STXBP4: variants seen among roughly 807,000 people sequenced by gnomAD.
The protein encoded by STXBP4 is syntaxin-binding protein 4.
In STXBP4, 55 loss-of-function variants were observed where a neutral mutation model predicts 76.1. The ratio of observed to expected loss-of-function variants is 0.72; its 90% confidence interval spans 0.58 to 0.91. STXBP4 has a LOEUF of 0.91. STXBP4 is among the 40% of genes least tolerant of loss of function. The pLI, the probability that STXBP4 is intolerant of heterozygous loss-of-function variation, is 0.00. For synonymous variants in STXBP4, 201 were observed against 220.2 expected, an observed-to-expected ratio of 0.91 and a Z score of 0.77; for missense variants, 618 against 636.9, an observed-to-expected ratio of 0.97 and a Z score of 0.32.
At chr17:55,004,436 T>G (rs1318021273) in intron 7 of STXBP4, among the ~76,000 whole-genome samples, 1 of 151,996 alleles carries the variant, frequency 6.6e-6, no homozygotes, top group African/African-American at 2.4e-5. Context: ...GCATGGTGGC[T>G]CACACCTATA....
chr17:54,974,852 T>C (rs2077449079), intron 1 of STXBP4, among the ~76,000 whole-genome samples: 1 of 152,248 alleles, frequency 6.6e-6, no homozygotes, highest in African/African-American at 2.4e-5. Flanking sequence ...AACTCATAGT[T>C]ATACCCGCTT....
the STXBP4 span, among the ~76,000 whole-genome samples, chr17:55,190,616 A>G: frequency 6.6e-6 from 1 of 152,202 alleles, no homozygotes; most frequent in Admixed American, 6.5e-5. Context: ...TATCATAAAT[A>G]AAGGGTTTTG....
chr17:54,980,354 G>A (rs9898020), intron 1 of STXBP4, among the ~76,000 whole-genome samples: 97,975 of 152,082 alleles, frequency 0.64, 32,584 homozygotes, highest in African/African-American at 0.81. Flanking sequence ...GAAATGTGCA[G>A]CTGTTACCAG....
intron 10 of STXBP4, among the ~76,000 whole-genome samples, chr17:55,037,190 T>G (rs2078617978): frequency 6.6e-6 from 1 of 152,146 alleles, no homozygotes; most frequent in South Asian, 2.1e-4. Context: ...CAGTTTTCAT[T>G]CTGCTGATTC....
the STXBP4 span, among the ~76,000 whole-genome samples, chr17:55,202,487 A>T: frequency 0.034 from 5,149 of 151,990 alleles, 290 homozygotes; most frequent in African/African-American, 0.12. Flanking sequence ...TTTTGTGAAA[A>T]CCTAACCAGT....
At chr17:55,145,419 TCTC>T (rs1195597552) in intron 17 of STXBP4, among the ~76,000 whole-genome samples, 1 of 152,192 alleles carries the variant, frequency 6.6e-6, no homozygotes, top group Non-Finnish European at 1.5e-5. Flanking sequence ...ATACACATAA[TCTC>T]TTCCTGAAAT....
intron 7 of STXBP4, among the ~76,000 whole-genome samples, chr17:55,003,853 A>G (rs1344345836): frequency 6.6e-6 from 1 of 152,158 alleles, no homozygotes; most frequent in Non-Finnish European, 1.5e-5. Flanking sequence ...ACAATATACT[A>G]AAGACATTTC....
chr17:55,078,683 T>A lies in STXBP4; in HGVS notation c.1306-3T>A. The A allele has an allele frequency of 6.5e-7, 1 of 1,546,370 alleles. No homozygotes were observed. Among genetic ancestry groups the A allele is most frequent in the South Asian group, 1.1e-5 (1 of 87,226 alleles). ...TCTCCTTCACCATCTTGTTTGTTGC[T>A]AGGCTATTCAAGAAGTATTTTCTGA... On this transcript the variant is annotated splice_polypyrimidine_tract_variant and splice_region_variant and intron_variant, in intron 14 of 17. Coordinates refer to ENST00000376352, the MANE Select transcript of STXBP4 (RefSeq NM_178509.6).
intron 17 of STXBP4, among the ~76,000 whole-genome samples, chr17:55,146,612 G>T (rs146728442): frequency 2.0e-5 from 3 of 152,136 alleles, no homozygotes; most frequent in African/African-American, 7.2e-5. Flanking sequence ...AGCTACTCTG[G>T]AGGCTGAGGC....
chr17:55,113,013 A>C (rs2079739127), intron 16 of STXBP4, among the ~76,000 whole-genome samples: 1 of 152,114 alleles, frequency 6.6e-6, no homozygotes, highest in Admixed American at 6.6e-5. Context: ...GCACAAATAC[A>C]ATTTACTCGA....
At chr17:55,082,780 G>C (rs1224171426) in intron 16 of STXBP4, among the ~76,000 whole-genome samples, 1 of 151,794 alleles carries the variant, frequency 6.6e-6, no homozygotes, top group East Asian at 1.9e-4. Flanking sequence ...AATGGTCCAG[G>C]GGGAGAAGAA....
At chr17:55,070,581 C>T (rs2079108119) in intron 12 of STXBP4, among the ~76,000 whole-genome samples, 1 of 152,166 alleles carries the variant, frequency 6.6e-6, no homozygotes, top group Non-Finnish European at 1.5e-5. Flanking sequence ...CACCCTGCTG[C>T]CAGATTTAGC....
At chr17:55,059,141 TA>T (rs2078966653) in intron 12 of STXBP4, among the ~76,000 whole-genome samples, 1 of 152,118 alleles carries the variant, frequency 6.6e-6, no homozygotes, top group Non-Finnish European at 1.5e-5. Context: ...AAATTTTTAC[TA>T]AATACAAAAA....
intron 4 of STXBP4, among the ~76,000 whole-genome samples, chr17:54,997,933 T>C (rs1259839645): frequency 6.6e-6 from 1 of 151,954 alleles, no homozygotes; most frequent in Non-Finnish European, 1.5e-5. Context: ...TTAAGTATTT[T>C]AAATAATGTT....
At chr17:55,040,758 C>T (rs1282074137) in intron 10 of STXBP4, among the ~76,000 whole-genome samples, 2 of 152,086 alleles carry the variant, frequency 1.3e-5, no homozygotes, top group East Asian at 3.9e-4. Context: ...CCAAGGATCA[C>T]AAATGATATT....
At chr17:55,049,966 A>G (rs990245414) in intron 12 of STXBP4, among the ~76,000 whole-genome samples, 4 of 152,078 alleles carry the variant, frequency 2.6e-5, no homozygotes, top group African/African-American at 4.8e-5. Flanking sequence ...TTCAGGGTAT[A>G]AAAAATGAAA....
At chr17:55,175,822 C>T (rs780742022), downstream of STXBP4, among the ~76,000 whole-genome samples, 5 of 152,220 alleles carry the variant, frequency 3.3e-5, no homozygotes, top group Non-Finnish European at 7.3e-5. Context: ...CAATCTCACT[C>T]CCTCCTTTGT....
At chr17:55,154,830 TATA>T (rs2080259438) in intron 17 of STXBP4, among the ~76,000 whole-genome samples, 3 of 152,122 alleles carry the variant, frequency 2.0e-5, no homozygotes, top group African/African-American at 7.2e-5. Context: ...TTTAGATTCT[TATA>T]ATATGATTTG....
intron 8 of STXBP4, among the ~76,000 whole-genome samples, chr17:55,026,722 T>TA (rs1443629045): frequency 6.6e-6 from 1 of 152,186 alleles, no homozygotes; most frequent in Non-Finnish European, 1.5e-5. Context: ...GATTCTATAT[T>TA]ACAGGGGACT....
Sources: allele counts gnomAD v4.1 joint callset (sites outside exome capture counted in the v4.1 genomes callset), GRCh38; gene constraint gnomAD v4.1.1; transcripts MANE v1.5; gene names NCBI Gene and HGNC (gene_info 2026-07-23, HGNC 2026-07-21).